The following PHACTR2 variants were observed in gnomAD, a reference collection of about 807,000 sequenced individuals.
The protein encoded by PHACTR2 is chromosome 6 open reading frame 56.
PHACTR2 carries 30 observed loss-of-function variants against 76.0 expected under a neutral mutation model. The ratio of observed to expected loss-of-function variants is 0.39; its 90% CI spans 0.30 to 0.54. The LOEUF is 0.54. PHACTR2 is among the 20% of genes least tolerant of loss of function. The pLI is 0.61. For missense variants in PHACTR2, 696 were observed against 781.1 expected (o/e 0.89, Z 1.30); for synonymous variants, 292 against 292.5 (o/e 1.00, Z 0.02).
intron 2 of PHACTR2, among the ~76,000 whole-genome samples, chr6:143,720,981 A>G (rs1778429858): frequency 6.6e-6 from 1 of 152,188 alleles, no homozygotes; most frequent in African/African-American, 2.4e-5. Flanking sequence ...CATTCTATAC[A>G]ATTTTACCAG....
At chr6:143,756,638 G>T (rs865902997) in intron 4 of PHACTR2, among the ~76,000 whole-genome samples, 73 of 150,558 alleles carry the variant, frequency 4.8e-4, no homozygotes, top group African/African-American at 1.6e-3. Context: ...GGCGGAGCTT[G>T]CAGTGAGCCG....
In PHACTR2 at chr6:143,822,003, C is replaced by T. The variant is rs1340540007; in HGVS notation, c.1923-1671C>T. Among the ~76,000 whole-genome samples, 1 of 151,902 alleles carries T rather than the reference C, an allele frequency of 6.6e-6. No homozygotes were observed. The highest frequency in any genetic ancestry group is 2.4e-5 in the African/African-American group (1 of 41,340). Reference sequence around the variant, plus strand: ...GAAACCCTGTCCCCCTCTGGAGCTCCCCCCAACCCACCCTGCAAAAAGTAG... The same window carrying T: ...GAAACCCTGTCCCCCTCTGGAGCTCTCCCCAACCCACCCTGCAAAAAGTAG... On this transcript the variant is annotated intron_variant, in intron 12 of 12. Coordinates refer to ENST00000440869, the MANE Select transcript of PHACTR2 (RefSeq NM_001100164.2). The surrounding 1 kb of genome is among the most constrained non-coding windows in gnomAD (Gnocchi z 5.5).
Position 143,826,869 on chromosome 6 carries a change from G to C in PHACTR2, c.*3180G>C, listed in dbSNP as rs1463120197. ...ACATGGAGAAAAAGCAAACACATCTGTTTGCTTTACCCAGAAAAACTGACT... is the reference window on the plus strand; with the variant it reads ...ACATGGAGAAAAAGCAAACACATCTCTTTGCTTTACCCAGAAAAACTGACT... On this transcript the variant is annotated 3_prime_UTR_variant, in exon 13 of 13. Transcript: ENST00000440869. 1 of 151,850 alleles carries C rather than the reference G, an allele frequency of 6.6e-6. No individual in the cohort carries two copies. Among genetic ancestry groups the C allele is most frequent in the Admixed American group, 6.6e-5 (1 of 15,254 alleles). The allele number at this position is 151,850 out of a possible 1,614,324, so 9.4% of individuals were successfully genotyped here.
chr6:143,735,839 C>A (rs1224777742), intron 2 of PHACTR2, among the ~76,000 whole-genome samples: 1 of 151,988 alleles, frequency 6.6e-6, no homozygotes, highest in Non-Finnish European at 1.5e-5. Flanking sequence ...TGGGTAATTT[C>A]TATATGTGTA....
At chr6:143,572,340 A>G (rs905469950) in intron 1 of PHACTR2, among the ~76,000 whole-genome samples, 3 of 152,210 alleles carry the variant, frequency 2.0e-5, no homozygotes, top group Non-Finnish European at 4.4e-5. Flanking sequence ...AATCTGATCA[A>G]TATATACAGC....
upstream of PHACTR2, among the ~76,000 whole-genome samples, chr6:143,605,405 A>G (rs919154524): frequency 6.6e-6 from 1 of 152,250 alleles, no homozygotes; most frequent in African/African-American, 2.4e-5. This position sits in a 1 kb window ranked among gnomAD's most constrained non-coding sequence, Gnocchi z 5.0. Flanking sequence ...TTTTATAACC[A>G]GGCATTCCCC....
chr6:143,630,179 T>G (rs1297423040), intron 1 of PHACTR2, among the ~76,000 whole-genome samples: 1 of 133,922 alleles, frequency 7.5e-6, no homozygotes, highest in East Asian at 2.0e-4. Flanking sequence ...TTTATAAATA[T>G]TATTTGAATG....
upstream of PHACTR2, among the ~76,000 whole-genome samples, chr6:143,605,201 G>T (rs1775856637): frequency 6.6e-6 from 1 of 152,108 alleles, no homozygotes; most frequent in Non-Finnish European, 1.5e-5. This position sits in a 1 kb window ranked among gnomAD's most constrained non-coding sequence, Gnocchi z 5.0. Flanking sequence ...GTACTTGGAT[G>T]CAGGTGCTCC....
At chr6:143,632,775 C>T (rs1225956698) in intron 1 of PHACTR2, among the ~76,000 whole-genome samples, 1 of 152,208 alleles carries the variant, frequency 6.6e-6, no homozygotes, top group African/African-American at 2.4e-5. Flanking sequence ...CCTTTTCCCC[C>T]CTAAATCCTG....
Position 143,787,287 on chromosome 6 carries a change from G to A in PHACTR2, c.1708-1486G>A, listed in dbSNP as rs1775578644. 6.6e-6 allele frequency among the ~76,000 whole-genome samples: 1 copy of A among 152,196 alleles called. No individual in the cohort carries two copies. ...ATTGCCATTGGTCACTTTCCTTCTA[G>A]CCAGTTCTTAGGAGCAAGGGCTTCT... On this transcript the variant is annotated intron_variant, in intron 10 of 12. Coordinates refer to ENST00000440869, the MANE Select transcript of PHACTR2 (RefSeq NM_001100164.2). The surrounding 1 kb of genome is among the most constrained non-coding windows in gnomAD (Gnocchi z 4.6).
rs1187381893 is a variant in PHACTR2 at position 143,790,705 on chromosome 6, ACT to A, written c.1845+1798_1845+1799del. ...TTTTTTTTTTTTGAGACGGAGTCTC[ACT>A]CTGTCACCCAGGCTGGAGTGCTGTG... On this transcript the variant is annotated intron_variant, in intron 11 of 12. Coordinates refer to ENST00000440869, the MANE Select transcript of PHACTR2 (RefSeq NM_001100164.2). Among the ~76,000 whole-genome samples, 5 of 144,250 alleles carry A rather than the reference ACT, an allele frequency of 3.5e-5. No homozygotes were observed. In the East Asian group the frequency reaches 1.0e-3, roughly 29 times the overall value. The allele number at this position is 144,250 out of a possible 152,430, so 94.6% of individuals were successfully genotyped here.
chr6:143,564,189 GTGTGTGCATA>G (rs1562685610), intron 1 of PHACTR2, among the ~76,000 whole-genome samples: 1 of 61,344 alleles, frequency 1.6e-5, no homozygotes, highest in Non-Finnish European at 3.5e-5. Flanking sequence ...GTGTATGTGT[GTGTGTGCATA>G]TATATATATA....
At chr6:143,770,966 C>T (rs1460870255) in intron 6 of PHACTR2, among the ~76,000 whole-genome samples, 2 of 142,256 alleles carry the variant, frequency 1.4e-5, no homozygotes, top group Non-Finnish European at 3.0e-5. Flanking sequence ...CTCTGTCACC[C>T]AGGCTAGAGT....
Position 143,755,563 on chromosome 6 carries a change from G to A in PHACTR2, c.454+1651G>A. Reference sequence around the variant, plus strand: ...AGACCTTATGGGTCCATGAATAGTTGAGAGATGTTTTTCTTTGCTTAGAAT... The same window carrying A: ...AGACCTTATGGGTCCATGAATAGTTAAGAGATGTTTTTCTTTGCTTAGAAT... On this transcript the variant is annotated intron_variant, in intron 4 of 12. Transcript: ENST00000440869. The surrounding 1 kb of genome is among the most constrained non-coding windows in gnomAD (Gnocchi z 5.2). 3.2e-6 allele frequency: 1 copy of A among 310,118 alleles called. No homozygotes were observed. The highest frequency in any genetic ancestry group is 6.4e-6 in the Non-Finnish European group (1 of 156,282). The allele number at this position is 310,118 out of a possible 1,614,324, so 19.2% of individuals were successfully genotyped here.
At chr6:143,799,840 A>C (rs921710072) in intron 11 of PHACTR2, among the ~76,000 whole-genome samples, 15 of 152,312 alleles carry the variant, frequency 9.8e-5, no homozygotes, top group Admixed American at 5.9e-4. Flanking sequence ...TGTGGTGCTA[A>C]GGAGAATGTA....
chr6:143,620,311 T>A (rs1231419656), intron 1 of PHACTR2, among the ~76,000 whole-genome samples: 3 of 151,920 alleles, frequency 2.0e-5, no homozygotes, highest in Admixed American at 6.6e-5. Flanking sequence ...TCAGGGAAGG[T>A]TTTCATGGAA....
rs932052893 is a variant in PHACTR2 at position 143,827,136 on chromosome 6, C to T, written c.*3447C>T. The T allele has an allele frequency of 2.6e-5, 3 of 114,338 alleles. No homozygotes were observed. Among genetic ancestry groups the T allele is most frequent in the South Asian group, 5.9e-4 (2 of 3,380 alleles). The allele number at this position is 114,338 out of a possible 1,614,324, so 7.1% of individuals were successfully genotyped here. A position where few individuals can be genotyped will look rare whatever the true frequency, so the allele number is the denominator to read the frequency against. On this transcript the variant is annotated 3_prime_UTR_variant, in exon 13 of 13. Coordinates refer to ENST00000440869, the MANE Select transcript of PHACTR2 (RefSeq NM_001100164.2). ...ACAGCCTGCAATTAATTCAGGGCTG[C>T]GTTGGCATTAAAAAAGAAAATATAT... is the stretch of plus-strand genomic sequence containing the variant.
At position 143,551,136 on chromosome 6, in the gene PHACTR2, C is replaced by A. The variant is rs536501851; in HGVS notation, c.217+13929C>A. Among the ~76,000 whole-genome samples, 31 of 151,988 alleles carry A rather than the reference C, an allele frequency of 2.0e-4. No individual in the cohort carries two copies. The South Asian group carries it at 6.4e-3, about 32-fold the overall frequency. The stretch of plus-strand genomic sequence containing the variant: ...TTCTTTAAGGTGACATTACCCAAAA[C>A]ATGAAAAGACAAGAGTAGAAGATGG... On this transcript the variant is annotated intron_variant, in intron 1 of 11. Transcript: ENST00000367584.
chr6:143,715,155 G>C (rs1279391040), intron 2 of PHACTR2, among the ~76,000 whole-genome samples: 1 of 152,100 alleles, frequency 6.6e-6, no homozygotes, highest in Non-Finnish European at 1.5e-5. Flanking sequence ...ATTAAATTTA[G>C]TGTCGTTCTC....
Sources: gnomAD v4.1 joint callset for allele counts (sites outside exome capture counted in the v4.1 genomes callset) on GRCh38, gnomAD v4.1.1 for gene constraint, Gnocchi (gnomAD v3.1) non-coding constraint, MANE v1.5 for transcripts, NCBI Gene and HGNC (gene_info 2026-07-23, HGNC 2026-07-21) for gene names.